The following RYR3 variants were observed in gnomAD, a reference collection of about 807,000 sequenced individuals.
RYR3 encodes ryanodine receptor 3.
Under a neutral mutation model 584.3 loss-of-function variants are expected in RYR3, and 207 were observed. That is an observed-to-expected ratio of 0.35 (90% CI 0.32 to 0.40). The LOEUF (loss-of-function observed/expected upper bound fraction) is 0.40. RYR3 is among the 10% of genes least tolerant of loss of function. The pLI is 1.00. For synonymous variants in RYR3, 2,416 were observed against 2,248.5 expected, an observed-to-expected ratio of 1.07 and a Z score of -2.11; for missense variants, 5,616 against 6,089.2, an observed-to-expected ratio of 0.92 and a Z score of 2.59.
intron 94 of RYR3, among the ~76,000 whole-genome samples, chr15:33,848,818 G>GA (rs2078890576): frequency 7.1e-6 from 1 of 140,754 alleles, no homozygotes; most frequent in African/African-American, 2.7e-5. Flanking sequence ...TGCCATCTCT[G>GA]AAGTCCTCTT....
At chr15:33,828,628 G>C (rs2077498980) in intron 85 of RYR3, among the ~76,000 whole-genome samples, 1 of 152,216 alleles carries the variant, frequency 6.6e-6, no homozygotes, top group Non-Finnish European at 1.5e-5. Context: ...ATCTAATCTA[G>C]AGCAGGGCTC....
chr15:33,696,328 G>A lies in RYR3; in HGVS notation c.5971G>A (p.Asp1991Asn). Reference protein sequence around the residue: ...MMFNLLRRQYDSIGELLQALR... With the variant: ...MMFNLLRRQYNSIGELLQALR... The stretch of plus-strand genomic sequence containing the variant: ...GTTCAACCTCCTCCGGAGGCAGTAT[G>A]ACAGCATTGGGGAGCTGCTGCAGGC... The change falls in exon 39 of 104, where the codon GAC (aspartate) becomes AAC (asparagine). Residue 1991 changes from aspartate to asparagine, a missense_variant. Asp to Asn is a conservative substitution (Grantham distance 23). Transcript: ENST00000634891. 6.2e-7 allele frequency: 1 copy of A among 1,613,862 alleles called. No homozygotes were observed. The highest frequency in any genetic ancestry group is 8.5e-7 in the Non-Finnish European group (1 of 1,179,878).
chr15:33,448,373 G>A (rs1033153912), intron 1 of RYR3, among the ~76,000 whole-genome samples: 1 of 152,204 alleles, frequency 6.6e-6, no homozygotes, highest in African/African-American at 2.4e-5. Context: ...ATCTACCAGT[G>A]AACAAGAATA....
At chr15:33,685,516 T>C (rs572893157) in intron 38 of RYR3, among the ~76,000 whole-genome samples, 1 of 152,230 alleles carries the variant, frequency 6.6e-6, no homozygotes, top group Admixed American at 6.5e-5. Flanking sequence ...AACACCCCAC[T>C]GTCAATATTA....
At chr15:33,671,328 C>T (rs991617860) in intron 38 of RYR3, among the ~76,000 whole-genome samples, 1 of 152,150 alleles carries the variant, frequency 6.6e-6, no homozygotes, top group Non-Finnish European at 1.5e-5. Context: ...GGTTTAATAT[C>T]GTTGCTTTTT....
At chr15:33,786,313 T>G (rs1198583045) in intron 66 of RYR3, among the ~76,000 whole-genome samples, 1 of 152,198 alleles carries the variant, frequency 6.6e-6, no homozygotes, top group Non-Finnish European at 1.5e-5. Flanking sequence ...ACAGTAATAA[T>G]TGTCCAGAAT....
At chr15:33,587,407 A>G (rs10153042) in intron 16 of RYR3, among the ~76,000 whole-genome samples, 57,885 of 152,074 alleles carry the variant, frequency 0.38, 11,712 homozygotes, top group African/African-American at 0.49. Flanking sequence ...TTTCTTTATT[A>G]TTAGAACACA....
chr15:33,814,120 C>T (rs1488332176), intron 74 of RYR3, among the ~76,000 whole-genome samples: 1 of 152,222 alleles, frequency 6.6e-6, no homozygotes, highest in African/African-American at 2.4e-5. Context: ...GGTGTTTCAG[C>T]TTATACTTTG....
At chr15:33,742,242 T>G in intron 51 of RYR3, 124 bp from the exon 52 acceptor site, 2 of 693,088 alleles carry the variant, frequency 2.9e-6, no homozygotes, top group Non-Finnish European at 5.2e-6. Flanking sequence ...AGCTTTAGCT[T>G]TGGGATTGGC....
At chr15:33,682,836 A>G (rs2064724736) in intron 38 of RYR3, among the ~76,000 whole-genome samples, 1 of 152,140 alleles carries the variant, frequency 6.6e-6, no homozygotes, top group Admixed American at 6.5e-5. Flanking sequence ...AGGCGTCCTT[A>G]CTATGTGTGG....
intron 67 of RYR3, among the ~76,000 whole-genome samples, chr15:33,790,885 G>A (rs1005562970): frequency 6.6e-6 from 1 of 152,112 alleles, no homozygotes; most frequent in Non-Finnish European, 1.5e-5. Flanking sequence ...TATCCTGAGT[G>A]CCAACTTCAC....
At chr15:33,539,210 G>A (rs534197284) in intron 5 of RYR3, 140 bp from the exon 6 acceptor site, 4 of 602,592 alleles carry the variant, frequency 6.6e-6, no homozygotes, top group Middle Eastern at 3.0e-4. Context: ...AACGGTTAGA[G>A]ACCAACAGAA....
At chr15:33,763,851 C>T (rs1165746553) in intron 60 of RYR3, among the ~76,000 whole-genome samples, 1 of 141,090 alleles carries the variant, frequency 7.1e-6, no homozygotes, top group South Asian at 2.3e-4. Flanking sequence ...CATGATTGCA[C>T]CATTGCACTC....
At position 33,819,744 on chromosome 15, in the gene RYR3, C is replaced by A. The variant is rs1260278632; in HGVS notation, c.10707-12C>A. The A allele has an allele frequency of 1.3e-6, 2 of 1,483,332 alleles. No individual in the cohort carries two copies. The highest frequency in any genetic ancestry group is 1.8e-6 in the Non-Finnish European group (2 of 1,104,936). 91.9% of individuals were successfully genotyped at this position (1,483,332 alleles called of 1,614,324 possible). A position where few individuals can be genotyped will look rare whatever the true frequency, so the allele number is the denominator to read the frequency against. On this transcript the variant is annotated splice_polypyrimidine_tract_variant and intron_variant, in intron 76 of 103. Coordinates refer to ENST00000634891, the MANE Select transcript of RYR3 (RefSeq NM_001036.6). ...TAAAAAGCCTGCTAAATATTTCCTCCATTCTTTCCAGCAAATTGGAAGACG... is the reference window on the plus strand; with the variant it reads ...TAAAAAGCCTGCTAAATATTTCCTCAATTCTTTCCAGCAAATTGGAAGACG...
At chr15:33,677,886 T>C (rs536626099) in intron 38 of RYR3, among the ~76,000 whole-genome samples, 38 of 152,214 alleles carry the variant, frequency 2.5e-4, no homozygotes, top group African/African-American at 8.9e-4. Flanking sequence ...ACTGGGGCAG[T>C]TTTGTGGGAT....
At chr15:33,432,848 A>C (rs2045315008) in intron 1 of RYR3, among the ~76,000 whole-genome samples, 1 of 152,108 alleles carries the variant, frequency 6.6e-6, no homozygotes, top group African/African-American at 2.4e-5. Context: ...TAGTCTCAAT[A>C]ATTCCACATC....
At chr15:33,605,205 T>G (rs1053196099) in intron 18 of RYR3, among the ~76,000 whole-genome samples, 2 of 152,206 alleles carry the variant, frequency 1.3e-5, no homozygotes, top group Non-Finnish European at 2.9e-5. Flanking sequence ...CCTGTATCCC[T>G]TTGTAGAAAT....
At chr15:33,747,096 C>G (rs1837824421) in intron 53 of RYR3, among the ~76,000 whole-genome samples, 1 of 152,130 alleles carries the variant, frequency 6.6e-6, no homozygotes, top group South Asian at 2.1e-4. Flanking sequence ...CAGGTGTGAA[C>G]TACCATGCCC....
At chr15:33,707,979 T>C (rs1203168594) in intron 43 of RYR3, among the ~76,000 whole-genome samples, 1 of 152,222 alleles carries the variant, frequency 6.6e-6, no homozygotes, top group Non-Finnish European at 1.5e-5. Context: ...CTCCTTGTCC[T>C]GGTTAGATTG....
Sources: gnomAD v4.1 joint callset for allele counts (sites outside exome capture counted in the v4.1 genomes callset) on GRCh38, gnomAD v4.1.1 for gene constraint, MANE v1.5 for transcripts, NCBI Gene and HGNC (gene_info 2026-07-23, HGNC 2026-07-21) for gene names.